EXPH5: variants seen among roughly 807,000 people sequenced by gnomAD.
EXPH5 encodes exophilin 5.
A neutral mutation model predicts 41.1 loss-of-function variants in EXPH5; 42 were observed. That is an observed-to-expected ratio of 1.02 (90% CI 0.80 to 1.32). The LOEUF (loss-of-function observed/expected upper bound fraction) is 1.32. Ranked by LOEUF, EXPH5 falls within the 40% of genes most tolerant of loss-of-function variation. EXPH5 has a pLI of 0.00. For missense variants in EXPH5, 2,298 were observed against 2,314.5 expected (o/e 0.99, Z 0.15); for synonymous variants, 798 against 833.5 (o/e 0.96, Z 0.73).
At chr11:108,528,247 T>G in intron 3 of EXPH5, 63 bp from the exon 4 acceptor site, 1 of 1,082,004 alleles carries the variant, frequency 9.2e-7, no homozygotes, top group Non-Finnish European at 1.4e-6. Context: ...GGCGGAAAAA[T>G]CAACAGCACA....
chr11:108,557,443 A>G (rs2093994853), intron 1 of EXPH5, among the ~76,000 whole-genome samples: 1 of 152,222 alleles, frequency 6.6e-6, no homozygotes, highest in African/African-American at 2.4e-5. Context: ...TCCTGGGTTC[A>G]GGGAATTCTC....
chr11:108,538,295 C>G, intron 3 of EXPH5: 1 of 976,664 alleles, frequency 1.0e-6, no homozygotes, highest in Non-Finnish European at 1.2e-6. Flanking sequence ...AGCTTTGAAA[C>G]CAGGAAGACA....
chr11:108,575,375 A>G (rs905581609), intron 1 of EXPH5, among the ~76,000 whole-genome samples: 1 of 152,216 alleles, frequency 6.6e-6, no homozygotes, highest in African/African-American at 2.4e-5. Flanking sequence ...AAACATCTAT[A>G]TTATTTACAT....
chr11:108,542,756 T>G (rs2093919286), intron 1 of EXPH5, among the ~76,000 whole-genome samples: 1 of 152,316 alleles, frequency 6.6e-6, no homozygotes, highest in African/African-American at 2.4e-5. Context: ...TCTCTCTCTG[T>G]CACCCAGGCT....
At chr11:108,556,266 C>G (rs991229416) in intron 1 of EXPH5, among the ~76,000 whole-genome samples, 7 of 150,936 alleles carry the variant, frequency 4.6e-5, no homozygotes, top group Non-Finnish European at 1.0e-4. Context: ...GGGCCCTTTG[C>G]GATTAGTTGT....
At chr11:108,548,229 C>T (rs1336674726) in intron 1 of EXPH5, among the ~76,000 whole-genome samples, 1 of 150,266 alleles carries the variant, frequency 6.7e-6, no homozygotes, top group Non-Finnish European at 1.5e-5. Flanking sequence ...AAGTTTTTGA[C>T]TTTTTTTTCT....
chr11:108,579,276 G>A (rs1048070772), intron 1 of EXPH5, among the ~76,000 whole-genome samples: 1 of 151,248 alleles, frequency 6.6e-6, no homozygotes, highest in African/African-American at 2.4e-5. Flanking sequence ...ATGATCATAT[G>A]GTTTATGCCC....
At chr11:108,590,877 T>C (rs908166870) in intron 1 of EXPH5, among the ~76,000 whole-genome samples, 5 of 152,192 alleles carry the variant, frequency 3.3e-5, no homozygotes, top group African/African-American at 4.8e-5. Context: ...GGTCTCAAAC[T>C]CTTGGCCTCA....
chr11:108,581,473 A>G (rs1383566172), intron 1 of EXPH5, among the ~76,000 whole-genome samples: 1 of 152,144 alleles, frequency 6.6e-6, no homozygotes, highest in African/African-American at 2.4e-5. Context: ...AAAGATCACC[A>G]TATACTTCAT....
At chr11:108,585,298 A>G (rs1216092926) in intron 1 of EXPH5, among the ~76,000 whole-genome samples, 2 of 152,238 alleles carry the variant, frequency 1.3e-5, no homozygotes, top group South Asian at 2.1e-4. Context: ...GTCTGAAAGT[A>G]TGTGTCCCCC....
chr11:108,533,570 G>T (rs1372479620), intron 3 of EXPH5, among the ~76,000 whole-genome samples: 1 of 152,008 alleles, frequency 6.6e-6, no homozygotes, highest in Admixed American at 6.5e-5. Context: ...CTTAGTTTAG[G>T]CCACCATTAT....
At chr11:108,565,886 T>C (rs2094032430) in intron 1 of EXPH5, among the ~76,000 whole-genome samples, 1 of 152,228 alleles carries the variant, frequency 6.6e-6, no homozygotes, top group Non-Finnish European at 1.5e-5. Context: ...TCTCTTTTGT[T>C]TACAATGCCC....
rs146263472 is a variant in EXPH5, at chr11:108,511,663, G to T, written c.3844C>A (p.Pro1282Thr). The change falls in exon 6 of 6, where the codon CCT (proline) becomes ACT (threonine). Residue 1282 changes from proline to threonine, a missense_variant. Pro to Thr is a conservative substitution (Grantham distance 38). Transcript: ENST00000265843. ...GGAAATGTTTCAGTCTCCACTTGAGGTGATTCTATAAGTAAATTAGTATTT... is the reference window on the plus strand; with the variant it reads ...GGAAATGTTTCAGTCTCCACTTGAGTTGATTCTATAAGTAAATTAGTATTT... ...TQNTNLLIESPQVETETFPNA... is the reference protein window; with the variant it reads ...TQNTNLLIESTQVETETFPNA... The T allele has an allele frequency of 9.3e-6, 15 of 1,604,676 alleles. No individual in the cohort carries two copies. Among genetic ancestry groups the T allele is most frequent in the Admixed American group, 8.7e-5 (5 of 57,424 alleles).
chr11:108,606,823 C>A, the EXPH5 span, among the ~76,000 whole-genome samples: 1 of 152,166 alleles, frequency 6.6e-6, no homozygotes, highest in Non-Finnish European at 1.5e-5. Context: ...AAGCAGGAAC[C>A]ATATCTTAAT....
upstream of EXPH5, among the ~76,000 whole-genome samples, chr11:108,597,832 A>T (rs193164022): frequency 3.1e-4 from 47 of 152,160 alleles, no homozygotes; most frequent in East Asian, 3.9e-3. Context: ...GAAATTTGTT[A>T]AAAAAAACCA....
At chr11:108,594,759 T>C (rs914708582), upstream of EXPH5, among the ~76,000 whole-genome samples, 3 of 152,234 alleles carry the variant, frequency 2.0e-5, no homozygotes, top group Non-Finnish European at 4.4e-5. Context: ...ACATATATCA[T>C]TTCTTTTCAT....
Position 108,509,461 on chromosome 11 carries a change from A to T in EXPH5, c.*76T>A. The stretch of plus-strand genomic sequence containing the variant: ...CCCAGACTAGATCTTTTATCCTTCC[A>T]TGCACATGCACATGTACACCTTAGT... On this transcript the variant is annotated 3_prime_UTR_variant, in exon 6 of 6. Coordinates refer to ENST00000265843, the MANE Select transcript of EXPH5 (RefSeq NM_015065.3). 7.5e-7 allele frequency: 1 copy of T among 1,342,216 alleles called. No homozygotes were observed. The highest frequency in any genetic ancestry group is 1.0e-6 in the Non-Finnish European group (1 of 988,370). 83.1% of individuals were successfully genotyped at this position (1,342,216 alleles called of 1,614,324 possible).
chr11:108,574,639 T>C (rs2094074048), intron 1 of EXPH5, among the ~76,000 whole-genome samples: 2 of 152,218 alleles, frequency 1.3e-5, no homozygotes. Flanking sequence ...ATCAGAGTGT[T>C]CAATCTCAGG....
chr11:108,597,643 A>T (rs1308003458), upstream of EXPH5, among the ~76,000 whole-genome samples: 1 of 152,224 alleles, frequency 6.6e-6, no homozygotes, highest in Non-Finnish European at 1.5e-5. Context: ...TATTATAATT[A>T]ATGGTGAGTC....
Sources: gnomAD v4.1 joint callset for allele counts (sites outside exome capture counted in the v4.1 genomes callset) on GRCh38, gnomAD v4.1.1 for gene constraint, MANE v1.5 for transcripts, NCBI Gene and HGNC (gene_info 2026-07-23, HGNC 2026-07-21) for gene names.